Variants in BICD1 observed in about 807,000 individuals in gnomAD.
The protein encoded by BICD1 is BICD cargo adaptor 1.
In BICD1, 35 loss-of-function variants were observed where a neutral mutation model predicts 92.5. The observed-to-expected ratio is 0.38, with a 90% CI of 0.29 to 0.50. The LOEUF is 0.50. Among genes scored for constraint, BICD1 ranks in the 20% least tolerant of loss-of-function variants. The pLI is 0.93. For synonymous variants in BICD1, 429 were observed against 465.1 expected (o/e 0.92, Z 1.00); for missense variants, 950 against 1,189.8 (o/e 0.80, Z 2.97).
At chr12:32,118,050 G>T (rs143467128) in intron 1 of BICD1, among the ~76,000 whole-genome samples, 1 of 65,418 alleles carries the variant, frequency 1.5e-5, no homozygotes, top group Non-Finnish European at 3.4e-5. Context: ...GCACCGGCCC[G>T]CTTAGTCCAA....
intron 2 of BICD1, among the ~76,000 whole-genome samples, chr12:32,249,444 C>A (rs1946472252): frequency 6.6e-6 from 1 of 152,142 alleles, no homozygotes; most frequent in Non-Finnish European, 1.5e-5. Flanking sequence ...ATATGTCTTT[C>A]CTTGTCTCTT....
intron 3 of BICD1, among the ~76,000 whole-genome samples, chr12:32,296,586 T>C (rs1353407881): frequency 6.6e-6 from 1 of 152,096 alleles, no homozygotes; most frequent in Non-Finnish European, 1.5e-5. Context: ...TGGTCCTTTT[T>C]TTGGTTATTG....
chr12:32,364,103 AT>A (rs1294063323), intron 8 of BICD1, among the ~76,000 whole-genome samples: 2 of 152,028 alleles, frequency 1.3e-5, no homozygotes, highest in Non-Finnish European at 2.9e-5. Context: ...CAGAGACCAC[AT>A]TTTCTCTGTT....
At chr12:32,143,577 T>A (rs1373623512) in intron 1 of BICD1, among the ~76,000 whole-genome samples, 1 of 152,212 alleles carries the variant, frequency 6.6e-6, no homozygotes, top group Non-Finnish European at 1.5e-5. Flanking sequence ...TTTTAGTTGA[T>A]GGGTTTTGAC....
At chr12:32,131,377 C>G (rs1209733161) in intron 1 of BICD1, among the ~76,000 whole-genome samples, 3 of 152,066 alleles carry the variant, frequency 2.0e-5, no homozygotes, top group Admixed American at 1.3e-4. Context: ...TTCGGTGGCT[C>G]CAGTAAAGGG....
chr12:32,305,134 A>G (rs1245555622), intron 3 of BICD1, among the ~76,000 whole-genome samples: 1 of 152,202 alleles, frequency 6.6e-6, no homozygotes, highest in African/African-American at 2.4e-5. Context: ...GCACATAACA[A>G]TGATCTTTGC....
chr12:32,150,953 A>G (rs759014940), intron 1 of BICD1, among the ~76,000 whole-genome samples: 6 of 152,086 alleles, frequency 3.9e-5, no homozygotes, highest in African/African-American at 9.7e-5. Flanking sequence ...CTTAACATCA[A>G]TGGTACCCTG....
At chr12:32,211,865 T>G (rs1295193928) in intron 1 of BICD1, among the ~76,000 whole-genome samples, 1 of 152,170 alleles carries the variant, frequency 6.6e-6, no homozygotes, top group Admixed American at 6.5e-5. Context: ...TGTCAGAACC[T>G]TCCCCTCCAG....
At chr12:32,288,578 T>C (rs1947642810) in intron 2 of BICD1, among the ~76,000 whole-genome samples, 1 of 152,040 alleles carries the variant, frequency 6.6e-6, no homozygotes, top group Non-Finnish European at 1.5e-5. Context: ...ATTATTATAA[T>C]AAGTTGGCCG....
intron 1 of BICD1, among the ~76,000 whole-genome samples, chr12:32,110,608 G>A (rs1316965391): frequency 2.0e-5 from 3 of 152,092 alleles, no homozygotes; most frequent in African/African-American, 7.2e-5. Flanking sequence ...TATATGTTTG[G>A]GATGTACGTA....
At chr12:32,137,575 A>C (rs1942776343) in intron 1 of BICD1, among the ~76,000 whole-genome samples, 1 of 152,174 alleles carries the variant, frequency 6.6e-6, no homozygotes, top group Non-Finnish European at 1.5e-5. Flanking sequence ...TTATCTTCTG[A>C]CATCATGTAA....
rs1342675720 is a variant in BICD1 at position 32,378,234 on chromosome 12, A to G, written c.*607A>G. 1 of 152,330 alleles carries G rather than the reference A, an allele frequency of 6.6e-6. No homozygotes were observed. Among genetic ancestry groups the G allele is most frequent in the African/African-American group, 2.4e-5 (1 of 41,460 alleles). The allele number at this position is 152,330 out of a possible 1,614,324, so 9.4% of individuals were successfully genotyped here. ...AAAATGATAAATGAGGTGCATCAGA[A>G]TGTTAACAATAACTGTATTTTGCTG... On this transcript the variant is annotated 3_prime_UTR_variant, in exon 10 of 10. Coordinates refer to ENST00000652176, the MANE Select transcript of BICD1 (RefSeq NM_001714.4).
intron 9 of BICD1, among the ~76,000 whole-genome samples, chr12:32,369,892 T>G (rs1173885154): frequency 1.3e-5 from 2 of 151,804 alleles, no homozygotes; most frequent in Non-Finnish European, 2.9e-5. Context: ...GGTAACAGAG[T>G]GAGACCCTGT....
At chr12:32,200,160 G>A (rs1283434545) in intron 1 of BICD1, among the ~76,000 whole-genome samples, 1 of 152,210 alleles carries the variant, frequency 6.6e-6, no homozygotes, top group African/African-American at 2.4e-5. Flanking sequence ...GAATCAGTTT[G>A]CTTTAAAGGG....
At chr12:32,274,225 T>C (rs1437311052) in intron 2 of BICD1, among the ~76,000 whole-genome samples, 1 of 152,228 alleles carries the variant, frequency 6.6e-6, no homozygotes, top group Non-Finnish European at 1.5e-5. Flanking sequence ...ACTTCTAATA[T>C]GATTGTAGAA....
chr12:32,305,255 G>C (rs1282114675), intron 3 of BICD1, among the ~76,000 whole-genome samples: 2 of 151,984 alleles, frequency 1.3e-5, no homozygotes, highest in Non-Finnish European at 2.9e-5. Flanking sequence ...ATAAAACAAA[G>C]TAATGGTGAT....
intron 2 of BICD1, among the ~76,000 whole-genome samples, chr12:32,217,056 G>T (rs905688502): frequency 6.6e-6 from 1 of 152,188 alleles, no homozygotes; most frequent in African/African-American, 2.4e-5. Context: ...CTTTTCCAAG[G>T]CAGCATCACC....
At chr12:32,181,187 A>T (rs943994463) in intron 1 of BICD1, among the ~76,000 whole-genome samples, 1 of 151,732 alleles carries the variant, frequency 6.6e-6, no homozygotes, top group African/African-American at 2.4e-5. Flanking sequence ...TGGGAGGCCG[A>T]GGGGGGTGGA....
intron 2 of BICD1, among the ~76,000 whole-genome samples, chr12:32,284,793 G>A (rs1435031717): frequency 2.0e-5 from 3 of 152,146 alleles, no homozygotes; most frequent in Admixed American, 6.5e-5. Flanking sequence ...AAACCGCACC[G>A]TTCCCTAAAC....
Sources: allele counts gnomAD v4.1 joint callset (sites outside exome capture counted in the v4.1 genomes callset), GRCh38; gene constraint gnomAD v4.1.1; transcripts MANE v1.5; gene names NCBI Gene and HGNC (gene_info 2026-07-23, HGNC 2026-07-21).